The following FBXL4 variants were observed in gnomAD, a reference collection of about 807,000 sequenced individuals.
FBXL4 encodes the protein F-box/LRR-repeat protein 4.
FBXL4 carries 40 observed loss-of-function variants against 58.9 expected under a neutral mutation model. The observed-to-expected ratio is 0.68, with a 90% CI of 0.53 to 0.88. The LOEUF is 0.88. FBXL4 is among the 40% of genes least tolerant of loss of function. The pLI is 0.00. For missense variants in FBXL4, 676 were observed against 734.4 expected (o/e 0.92, Z 0.92); for synonymous variants, 263 against 265.5 (o/e 0.99, Z 0.09).
rs1189616897 is a variant in FBXL4 at position 98,870,008 on chromosome 6, G to A, written c.*4270C>T. Reference sequence around the variant, plus strand: ...GATAAATAATTATACAAAAATTTAAGTCAGTTGTCAAAGCTAACAATGCAT... The same window carrying A: ...GATAAATAATTATACAAAAATTTAAATCAGTTGTCAAAGCTAACAATGCAT... On this transcript the variant is annotated 3_prime_UTR_variant, in exon 10 of 10. Transcript: ENST00000369244. 1.3e-5 allele frequency: 2 copies of A among 152,108 alleles called. No homozygotes were observed. The highest frequency in any genetic ancestry group is 4.8e-5 in the African/African-American group (2 of 41,408). 9.4% of individuals were successfully genotyped at this position (152,108 alleles called of 1,614,324 possible). A position where few individuals can be genotyped will look rare whatever the true frequency, so the allele number is the denominator to read the frequency against.
intron 2 of FBXL4, among the ~76,000 whole-genome samples, chr6:98,934,437 C>A (rs948244985): frequency 2.0e-5 from 3 of 151,644 alleles, no homozygotes; most frequent in African/African-American, 7.3e-5. Context: ...AGAGACAGGC[C>A]GTAATATAAC....
chr6:98,911,483 C>A (rs183905735), intron 5 of FBXL4, among the ~76,000 whole-genome samples: 1 of 152,212 alleles, frequency 6.6e-6, no homozygotes, highest in African/African-American at 2.4e-5. Flanking sequence ...TGAGACAAAA[C>A]TTCCAGAGAA....
intron 5 of FBXL4, among the ~76,000 whole-genome samples, chr6:98,908,292 A>G (rs570467384): frequency 1.1e-4 from 16 of 152,206 alleles, no homozygotes; most frequent in South Asian, 2.1e-4. Flanking sequence ...AAAGAATGAT[A>G]CTATATACAC....
chr6:98,911,140 T>C (rs958277462), intron 5 of FBXL4, among the ~76,000 whole-genome samples: 2 of 152,132 alleles, frequency 1.3e-5, no homozygotes, highest in Admixed American at 1.3e-4. Context: ...GCGCCTGCCA[T>C]TGCCCAGGCT....
intron 1 of FBXL4, among the ~76,000 whole-genome samples, chr6:98,936,605 T>G (rs2128410793): frequency 6.6e-6 from 1 of 152,342 alleles, no homozygotes; most frequent in South Asian, 2.1e-4. Flanking sequence ...TAAATATATT[T>G]TCTTTTCCTC....
chr6:98,889,328 G>A (rs1362566074), intron 7 of FBXL4, among the ~76,000 whole-genome samples: 3 of 152,098 alleles, frequency 2.0e-5, no homozygotes, highest in African/African-American at 7.2e-5. Context: ...CTGCCTTCTT[G>A]TTTGTTTAGC....
intron 1 of FBXL4, among the ~76,000 whole-genome samples, chr6:98,938,689 C>T (rs911531453): frequency 6.6e-6 from 1 of 152,120 alleles, no homozygotes. Context: ...TTAGTCTATC[C>T]CTTCCTGCCT....
At chr6:98,908,565 T>C (rs1345035351) in intron 5 of FBXL4, among the ~76,000 whole-genome samples, 1 of 152,176 alleles carries the variant, frequency 6.6e-6, no homozygotes, top group Non-Finnish European at 1.5e-5. Context: ...TTGATGCAAG[T>C]GGAGAATTGC....
chr6:98,944,674 T>G (rs966310572), intron 1 of FBXL4, among the ~76,000 whole-genome samples: 22 of 152,300 alleles, frequency 1.4e-4, no homozygotes, highest in East Asian at 1.9e-4. Flanking sequence ...GATGTCTCCC[T>G]CTGGTACAGA....
intron 7 of FBXL4, among the ~76,000 whole-genome samples, chr6:98,893,092 T>A (rs1771284362): frequency 6.7e-6 from 1 of 149,772 alleles, no homozygotes; most frequent in Non-Finnish European, 1.5e-5. Context: ...TGACTCCAGA[T>A]TTTTTTTTTC....
At chr6:98,887,361 AT>A (rs2128383137) in intron 7 of FBXL4, among the ~76,000 whole-genome samples, 1 of 152,358 alleles carries the variant, frequency 6.6e-6, no homozygotes, top group South Asian at 2.1e-4. Flanking sequence ...CTTCAGAGAA[AT>A]CACAACTTCT....
chr6:98,902,973 A>G (rs1294475074), intron 6 of FBXL4, among the ~76,000 whole-genome samples: 1 of 152,140 alleles, frequency 6.6e-6, no homozygotes, highest in Non-Finnish European at 1.5e-5. Context: ...ATTCTGAATA[A>G]TAACAATTCT....
At chr6:98,884,556 G>A (rs1398920359) in intron 7 of FBXL4, among the ~76,000 whole-genome samples, 1 of 152,076 alleles carries the variant, frequency 6.6e-6, no homozygotes, top group Non-Finnish European at 1.5e-5. Context: ...TACTTGATAA[G>A]AAGTCTACTG....
chr6:98,888,701 C>T (rs1373217044), intron 7 of FBXL4, among the ~76,000 whole-genome samples: 1 of 152,178 alleles, frequency 6.6e-6, no homozygotes, highest in Admixed American at 6.5e-5. Context: ...GATTCATTTT[C>T]AAATGAGTTT....
intron 7 of FBXL4, among the ~76,000 whole-genome samples, chr6:98,893,743 A>G (rs1771313543): frequency 6.6e-6 from 1 of 152,220 alleles, no homozygotes; most frequent in African/African-American, 2.4e-5. Context: ...GGTTCACTAA[A>G]ACAATTATGC....
intron 1 of FBXL4, among the ~76,000 whole-genome samples, chr6:98,935,411 A>G (rs1773173279): frequency 6.6e-6 from 1 of 152,106 alleles, no homozygotes; most frequent in African/African-American, 2.4e-5. Context: ...CACAGGTACG[A>G]TGATACAACA....
At chr6:98,877,455 TTTG>T (rs1325529568) in intron 8 of FBXL4, among the ~76,000 whole-genome samples, 1 of 152,208 alleles carries the variant, frequency 6.6e-6, no homozygotes, top group Non-Finnish European at 1.5e-5. Context: ...TCAAGAGTTT[TTTG>T]TTGTTGTTGT....
chr6:98,942,490 A>G (rs1248418454), intron 1 of FBXL4, among the ~76,000 whole-genome samples: 1 of 151,986 alleles, frequency 6.6e-6, no homozygotes, highest in Non-Finnish European at 1.5e-5. Flanking sequence ...GTGTTCTCAT[A>G]TGAGTTCTGA....
At chr6:98,915,618 T>C (rs1278946430) in intron 5 of FBXL4, among the ~76,000 whole-genome samples, 2 of 152,096 alleles carry the variant, frequency 1.3e-5, no homozygotes, top group African/African-American at 2.4e-5. Context: ...GCTAGCCATA[T>C]GTAGAAAGCT....
Sources: allele counts gnomAD v4.1 joint callset (sites outside exome capture counted in the v4.1 genomes callset), GRCh38; gene constraint gnomAD v4.1.1; transcripts MANE v1.5; gene names NCBI Gene and HGNC (gene_info 2026-07-23, HGNC 2026-07-21).